Variants in ATF2 observed in about 807,000 individuals in gnomAD.
The protein encoded by ATF2 is cyclic AMP-dependent transcription factor ATF-2.
ATF2 carries 24 observed loss-of-function variants against 60.6 expected under a neutral mutation model. The ratio of observed to expected loss-of-function variants is 0.40; its 90% CI spans 0.29 to 0.56. The LOEUF (loss-of-function observed/expected upper bound fraction) is 0.56, where lower values mean the gene tolerates loss of function less well. Among genes scored for constraint, ATF2 ranks in the 20% least tolerant of loss-of-function variants. ATF2 has a pLI of 0.54. For missense variants in ATF2, 433 were observed against 607.7 expected (o/e 0.71, Z 3.02); for synonymous variants, 206 against 215.4 (o/e 0.96, Z 0.38).
At chr2:175,083,237 C>T (rs1559048418) in intron 12 of ATF2, among the ~76,000 whole-genome samples, 1 of 152,042 alleles carries the variant, frequency 6.6e-6, no homozygotes, top group African/African-American at 2.4e-5. Flanking sequence ...CGCTACCTGA[C>T]TTCAAACTAT....
chr2:175,097,320 C>T, intron 11 of ATF2, 124 bp downstream of exon 11: 1 of 1,352,788 alleles, frequency 7.4e-7, no homozygotes, highest in Non-Finnish European at 1.0e-6. Flanking sequence ...TTTCCTGAGG[C>T]TTTTGATACA....
At chr2:175,095,105 T>C (rs946761721) in intron 11 of ATF2, among the ~76,000 whole-genome samples, 3 of 147,244 alleles carry the variant, frequency 2.0e-5, no homozygotes, top group Non-Finnish European at 3.0e-5. Flanking sequence ...TTTCTTTTTC[T>C]TTTTTTTTTT....
chr2:175,167,585 T>C (rs767205450), intron 1 of ATF2: 4 of 473,064 alleles, frequency 8.5e-6, no homozygotes, highest in Admixed American at 4.7e-5. Context: ...ATCGCTTGAA[T>C]ACTGGGTGGG....
chr2:175,145,858 T>C (rs1698910627), intron 2 of ATF2, among the ~76,000 whole-genome samples: 1 of 152,106 alleles, frequency 6.6e-6, no homozygotes, highest in South Asian at 2.1e-4. Context: ...ACATCGTAAA[T>C]AAAGAGGGTT....
intron 1 of ATF2, among the ~76,000 whole-genome samples, chr2:175,161,761 CTCTT>C (rs1370590749): frequency 2.4e-5 from 2 of 83,304 alleles, no homozygotes; most frequent in Non-Finnish European, 4.5e-5. Context: ...CAGAAAGTAA[CTCTT>C]TTTTTTTTTT....
At chr2:175,152,455 A>G (rs1327752730) in intron 1 of ATF2, among the ~76,000 whole-genome samples, 1 of 152,190 alleles carries the variant, frequency 6.6e-6, no homozygotes, top group Non-Finnish European at 1.5e-5. Context: ...GGTCAAGGTG[A>G]GAATGAGTAA....
Position 175,097,505 on chromosome 2 carries a change from T to C in ATF2, c.917A>G (p.Gln306Arg). Residue 306 changes from glutamine (Q) to arginine (R), a missense_variant, in exon 11 of 14, where the codon CAG becomes CGG. By Grantham distance (43) the Gln-to-Arg change is conservative. Coordinates refer to ENST00000264110, the MANE Select transcript of ATF2 (RefSeq NM_001880.4). ...KGHGSGLVRT[Q>R]SEESRPQSLQ... ...TGACTGCGGTCGAGATTCCTCTGAC[T>C]GAGTCCTAACCAATCCGCTACCATG... 1 of 1,614,162 alleles carries C rather than the reference T, an allele frequency of 6.2e-7. No homozygotes were observed. Among genetic ancestry groups the C allele is most frequent in the Non-Finnish European group, 8.5e-7 (1 of 1,180,014 alleles).
chr2:175,110,731 G>T (rs933191510), intron 10 of ATF2, among the ~76,000 whole-genome samples: 1 of 152,050 alleles, frequency 6.6e-6, no homozygotes, highest in Non-Finnish European at 1.5e-5. Flanking sequence ...TCAGCCACCC[G>T]AGTAGCTAGG....
intron 4 of ATF2, among the ~76,000 whole-genome samples, chr2:175,123,786 TAACA>T (rs1171233785): frequency 1.3e-5 from 2 of 151,990 alleles, no homozygotes; most frequent in East Asian, 3.8e-4. Context: ...ACTGATCCTG[TAACA>T]GTATTAATTA....
chr2:175,104,270 T>C (rs1695493313), intron 10 of ATF2, among the ~76,000 whole-genome samples: 2 of 152,216 alleles, frequency 1.3e-5, no homozygotes, highest in Non-Finnish European at 2.9e-5. Context: ...CAGGTCATTT[T>C]AGCAGAATCA....
At chr2:175,157,819 C>G (rs947998042) in intron 1 of ATF2, among the ~76,000 whole-genome samples, 12 of 151,992 alleles carry the variant, frequency 7.9e-5, no homozygotes, top group African/African-American at 2.7e-4. Flanking sequence ...ATGGTGAAAC[C>G]CTTTCTCTAC....
At chr2:175,106,391 G>C (rs1695665971) in intron 10 of ATF2, among the ~76,000 whole-genome samples, 1 of 151,524 alleles carries the variant, frequency 6.6e-6, no homozygotes, top group Non-Finnish European at 1.5e-5. Context: ...GCTGGGTGTG[G>C]TGGCAGGTGA....
At chr2:175,156,377 CAAAAAAAAAAA>C (rs57399474) in intron 1 of ATF2, among the ~76,000 whole-genome samples, 6 of 55,982 alleles carry the variant, frequency 1.1e-4, no homozygotes, top group Non-Finnish European at 1.8e-4. Context: ...TCTCAAAAAA[CAAAAAAAAAAA>C]AAAAAAAAAA....
chr2:175,105,169 T>C (rs1294005108), intron 10 of ATF2, among the ~76,000 whole-genome samples: 1 of 152,182 alleles, frequency 6.6e-6, no homozygotes, highest in Non-Finnish European at 1.5e-5. Context: ...ATTACATAAC[T>C]GTACATGTAA....
At chr2:175,113,889 T>C (rs1696372819) in intron 9 of ATF2, 105 bp downstream of exon 9, 4 of 949,170 alleles carry the variant, frequency 4.2e-6, no homozygotes, top group South Asian at 4.2e-5. Context: ...TGCTAATCAA[T>C]ATTATGTTAA....
chr2:175,132,973 C>T (rs1697843974), intron 3 of ATF2, among the ~76,000 whole-genome samples: 1 of 151,778 alleles, frequency 6.6e-6, no homozygotes, highest in Admixed American at 6.6e-5. Context: ...GTAGTCCCAG[C>T]TACTTGAGAG....
At chr2:175,110,362 C>T (rs975991217) in intron 10 of ATF2, among the ~76,000 whole-genome samples, 1 of 115,350 alleles carries the variant, frequency 8.7e-6, no homozygotes, top group African/African-American at 4.2e-5. Flanking sequence ...ATAAATTCAG[C>T]TCTGCAATAT....
At chr2:175,110,811 G>C (rs746737655) in intron 10 of ATF2, among the ~76,000 whole-genome samples, 18 of 152,026 alleles carry the variant, frequency 1.2e-4, no homozygotes, top group Non-Finnish European at 1.9e-4. Flanking sequence ...TCACCATGTT[G>C]GCCAGGTTGC....
At chr2:175,114,381 A>G in intron 8 of ATF2, 2 of 1,254,482 alleles carry the variant, frequency 1.6e-6, no homozygotes, top group South Asian at 2.5e-5. Context: ...AGCTCTTGGG[A>G]GCTACCAGTA....
Sources: gnomAD v4.1 joint callset for allele counts (sites outside exome capture counted in the v4.1 genomes callset) on GRCh38, gnomAD v4.1.1 for gene constraint, MANE v1.5 for transcripts, NCBI Gene and HGNC (gene_info 2026-07-23, HGNC 2026-07-21) for gene names.